NHS: variants seen among roughly 807,000 people sequenced by gnomAD.
The protein encoded by NHS is actin remodeling regulator NHS.
Under a neutral mutation model 72.5 loss-of-function variants are expected in NHS, and 5 were observed. That is an observed-to-expected ratio of 0.07 (90% CI 0.04 to 0.14). NHS has a LOEUF of 0.14. NHS is among the 10% of genes least tolerant of loss of function. The pLI is 1.00. For synonymous variants in NHS, 464 were observed against 547.7 expected (o/e 0.85, Z 2.13); for missense variants, 1,072 against 1,355.7 (o/e 0.79, Z 3.29).
chrX:17,380,991 G>A (rs1215670917), intron 1 of NHS, among the ~76,000 whole-genome samples: 1 of 110,856 alleles, frequency 9.0e-6, no homozygotes. Context: ...TGTAAAGTAT[G>A]GGGTGAGGTC....
intron 1 of NHS, among the ~76,000 whole-genome samples, chrX:17,415,603 A>T (rs1316964010): frequency 8.9e-6 from 1 of 111,941 alleles, no homozygotes; most frequent in Non-Finnish European, 1.9e-5. Flanking sequence ...TGAAATGACC[A>T]CCTACAGAAA....
At chrX:17,672,507 G>C (rs1231893468) in intron 1 of NHS, among the ~76,000 whole-genome samples, 1 of 112,694 alleles carries the variant, frequency 8.9e-6, no homozygotes, top group East Asian at 2.8e-4. Flanking sequence ...AGAGGAAACG[G>C]CTTTGGTGAC....
intron 1 of NHS, among the ~76,000 whole-genome samples, chrX:17,522,624 C>T (rs1484366609): frequency 9.7e-6 from 1 of 102,608 alleles, no homozygotes; most frequent in East Asian, 3.1e-4. Flanking sequence ...TCTGGAAAAG[C>T]CGGACTGGAT....
At chrX:17,545,534 G>A (rs1209780473) in intron 1 of NHS, among the ~76,000 whole-genome samples, 2 of 111,789 alleles carry the variant, frequency 1.8e-5, no homozygotes, top group Admixed American at 9.5e-5. Flanking sequence ...ACCCCTGACT[G>A]TAAGAGCAAT....
chrX:17,636,098 G>T (rs1307657968), intron 1 of NHS, among the ~76,000 whole-genome samples: 1 of 111,743 alleles, frequency 8.9e-6, no homozygotes, highest in Non-Finnish European at 1.9e-5. Context: ...CTCCAGCACT[G>T]CCCCCTCCAG....
intron 1 of NHS, among the ~76,000 whole-genome samples, chrX:17,597,210 C>T (rs1002849155): frequency 1.9e-5 from 2 of 105,861 alleles, no homozygotes; most frequent in African/African-American, 7.0e-5. Flanking sequence ...AGCTCCGCCT[C>T]CCGGGTTCAC....
chrX:17,728,886 A>G, intron 8 of NHS, 111 bp downstream of exon 8: 1 of 990,244 alleles, frequency 1.0e-6, no homozygotes, highest in Non-Finnish European at 1.4e-6. Context: ...ATTGTAATAC[A>G]TTCAGCAAAA....
At chrX:17,649,159 C>T (rs1322325886) in intron 1 of NHS, among the ~76,000 whole-genome samples, 2 of 111,751 alleles carry the variant, frequency 1.8e-5, no homozygotes, top group African/African-American at 6.5e-5. Flanking sequence ...ATTTTTCAAC[C>T]TGGGATCTTT....
intron 1 of NHS, among the ~76,000 whole-genome samples, chrX:17,432,885 G>A (rs112008946): frequency 0.082 from 9,178 of 111,664 alleles, 942 homozygotes; most frequent in African/African-American, 0.28. Flanking sequence ...AGAGGTGGGC[G>A]ACAGTGGGAG....
intron 1 of NHS, among the ~76,000 whole-genome samples, chrX:17,485,405 C>A (rs2064963536): frequency 8.9e-6 from 1 of 112,568 alleles, no homozygotes; most frequent in South Asian, 3.7e-4. Context: ...ATGGAATAAT[C>A]TGCAGACTAA....
intron 1 of NHS, among the ~76,000 whole-genome samples, chrX:17,467,124 T>C (rs2064873990): frequency 8.9e-6 from 1 of 111,896 alleles, no homozygotes; most frequent in Non-Finnish European, 1.9e-5. Flanking sequence ...CCTGCTTGAC[T>C]CCTAATCCAG....
At chrX:17,598,394 CTCT>C (rs771802735) in intron 1 of NHS, among the ~76,000 whole-genome samples, 82 of 112,806 alleles carry the variant, frequency 7.3e-4, no homozygotes, top group African/African-American at 2.3e-3. Context: ...ATTTCCTTAA[CTCT>C]TCTTTAGTCT....
At chrX:17,557,408 G>A (rs1347314442) in intron 1 of NHS, 1 of 108,743 alleles carries the variant, frequency 9.2e-6, no homozygotes, top group Non-Finnish European at 1.9e-5. Context: ...AGGGGAAAGT[G>A]ATGAAGGTAG....
chrX:17,445,890 C>G (rs183402114), intron 1 of NHS, among the ~76,000 whole-genome samples: 1,137 of 108,763 alleles, frequency 0.01, 16 homozygotes, highest in African/African-American at 0.036. Flanking sequence ...ACTTGCCGAC[C>G]AAGCAAGTAA....
chrX:17,582,763 C>T (rs2065550833), intron 1 of NHS, among the ~76,000 whole-genome samples: 1 of 112,657 alleles, frequency 8.9e-6, no homozygotes. Context: ...GTCACTTGGC[C>T]TTCGTGTGCC....
At position 17,728,306 on chromosome X, in the gene NHS, T is replaced by C; in HGVS notation, c.4200T>C (p.Asn1400=). ...DNSKAEETQG[N]VDEASLKESS... is the part of the protein sequence containing the mutation. The stretch of plus-strand genomic sequence containing the variant: ...GCAAAGCAGAGGAGACCCAAGGAAA[T>C]GTGGATGAGGCTTCATTGAAAGGTC... Residue 1400 remains asparagine (N), a synonymous_variant, in exon 7 of 9, where the codon AAT becomes AAC. Transcript: ENST00000676302. 8.3e-7 allele frequency: 1 copy of C among 1,211,130 alleles called. No individual in the cohort carries two copies. The highest frequency in any genetic ancestry group is 1.1e-6 in the Non-Finnish European group (1 of 894,985).
intron 1 of NHS, among the ~76,000 whole-genome samples, chrX:17,431,697 G>T (rs1386564047): frequency 8.9e-6 from 1 of 111,741 alleles, no homozygotes; most frequent in Non-Finnish European, 1.9e-5. Flanking sequence ...TATCAGATCA[G>T]GCTGATGTTA....
intron 1 of NHS, among the ~76,000 whole-genome samples, chrX:17,408,269 G>A: frequency 9.0e-6 from 1 of 111,598 alleles, no homozygotes. Flanking sequence ...GCCTCCCAAA[G>A]TTCTGGGGTT....
At chrX:17,656,469 G>A (rs2065956537) in intron 1 of NHS, among the ~76,000 whole-genome samples, 1 of 111,900 alleles carries the variant, frequency 8.9e-6, no homozygotes, top group Admixed American at 9.3e-5. Context: ...GGGGGTTGGG[G>A]GAGGCTCGAG....
Sources: gnomAD v4.1 joint callset for allele counts (sites outside exome capture counted in the v4.1 genomes callset) on GRCh38, gnomAD v4.1.1 for gene constraint, MANE v1.5 for transcripts, NCBI Gene and HGNC (gene_info 2026-07-23, HGNC 2026-07-21) for gene names.